Variants in MYO7B observed in about 807,000 individuals in gnomAD.
MYO7B encodes the protein unconventional myosin-VIIb.
MYO7B carries 212 observed loss-of-function variants against 259.7 expected under a neutral mutation model. The ratio of observed to expected loss-of-function variants is 0.82; its 90% CI spans 0.73 to 0.91. The LOEUF is 0.91. MYO7B is among the 40% of genes least tolerant of loss of function. MYO7B has a pLI of 0.00. For missense variants in MYO7B, 2,732 were observed against 2,813.5 expected (o/e 0.97, Z 0.66); for synonymous variants, 1,197 against 1,166.4 (o/e 1.03, Z -0.54).
chr2:127,569,432 G>A (rs544282260), intron 5 of MYO7B, among the ~76,000 whole-genome samples: 4 of 152,198 alleles, frequency 2.6e-5, no homozygotes, highest in South Asian at 2.1e-4. Flanking sequence ...TCTGCATTCC[G>A]AGCCTGCTGC....
Position 127,590,045 on chromosome 2 carries a change from G to A in MYO7B, c.1855-47G>A. The A allele has an allele frequency of 6.5e-7, 1 of 1,549,558 alleles. No individual in the cohort carries two copies. The highest frequency in any genetic ancestry group is 8.7e-7 in the Non-Finnish European group (1 of 1,145,686). ...CTGGCCTACAGGGTCAGCTGTCCCA[G>A]GACATGGCTCCTGAGACCCACTTGT... On this transcript the variant is annotated intron_variant, in intron 15 of 47. Transcript: ENST00000409816. This position sits in a 1 kb window ranked among gnomAD's most constrained non-coding sequence, Gnocchi z 4.6.
At chr2:127,596,650 G>T (rs754712004) in intron 19 of MYO7B, 94 bp downstream of exon 19, 7 of 1,029,154 alleles carry the variant, frequency 6.8e-6, no homozygotes, top group East Asian at 2.6e-5. Flanking sequence ...ACATGTTCCC[G>T]CTGGGCCCTC....
At chr2:127,626,466 C>T (rs970782914) in intron 31 of MYO7B, 1 of 156,874 alleles carries the variant, frequency 6.4e-6, no homozygotes, top group African/African-American at 2.4e-5. Flanking sequence ...AAAGGGTCCC[C>T]ACACCCCTCC....
In MYO7B at chr2:127,597,734, A is replaced by G. The variant is rs1679827533; in HGVS notation, c.2339+1178A>G. Among the ~76,000 whole-genome samples the G allele has an allele frequency of 6.6e-6, 1 of 152,048 alleles. No individual in the cohort carries two copies. Among genetic ancestry groups the G allele is most frequent in the African/African-American group, 2.4e-5 (1 of 41,362 alleles). On this transcript the variant is annotated intron_variant, in intron 19 of 47. Transcript: ENST00000409816. The surrounding 1 kb of genome is among the most constrained non-coding windows in gnomAD (Gnocchi z 4.8). ...ACTGCAACCTCTGCTTTCCGGGCTC[A>G]AGCTATCCTCCCACCTCAGCCTCCA... is the stretch of plus-strand genomic sequence containing the variant.
chr2:127,581,848 C>T, intron 10 of MYO7B, 43 bp from the exon 11 acceptor site: 1 of 1,610,604 alleles, frequency 6.2e-7, no homozygotes, highest in Non-Finnish European at 8.5e-7. Context: ...CTGGGCCAGG[C>T]CCTGCTCCAC....
intron 7 of MYO7B, among the ~76,000 whole-genome samples, chr2:127,575,252 A>G (rs988744761): frequency 2.0e-5 from 3 of 152,218 alleles, no homozygotes; most frequent in Non-Finnish European, 2.9e-5. Context: ...AGTCCAGTTA[A>G]GTTCGGCCCC....
chr2:127,585,115 C>T lies in MYO7B; in HGVS notation c.1690+202C>T, dbSNP rs116321571. ...GTTTCTGGTAATAACTCTGTTGAGA[C>T]ATAATTCACATACCATGTTATTTAC... On this transcript the variant is annotated intron_variant, in intron 14 of 47. Transcript: ENST00000409816. This position sits in a 1 kb window ranked among gnomAD's most constrained non-coding sequence, Gnocchi z 4.3. Among the ~76,000 whole-genome samples the T allele has an allele frequency of 0.012, 1,873 of 152,280 alleles. 19 individuals are homozygous for T. The highest frequency in any genetic ancestry group is 0.019 in the Non-Finnish European group (1,287 of 68,016).
In MYO7B at chr2:127,584,957, G is replaced by C; in HGVS notation, c.1690+44G>C. The C allele has an allele frequency of 6.2e-7, 1 of 1,607,964 alleles. No individual in the cohort carries two copies. On this transcript the variant is annotated intron_variant, in intron 14 of 47. Transcript: ENST00000409816. The surrounding 1 kb of genome is among the most constrained non-coding windows in gnomAD (Gnocchi z 5.8). ...TCATGTCCCTTCCAAATCTGGACCG[G>C]GTTCCAGGGAGACCGTGGAAAGCAG...
chr2:127,564,823 TA>T (rs1166249862), intron 3 of MYO7B, among the ~76,000 whole-genome samples: 1 of 152,222 alleles, frequency 6.6e-6, no homozygotes, highest in African/African-American at 2.4e-5. Flanking sequence ...AGTAAAATAA[TA>T]ACAATATCTT....
intron 24 of MYO7B, among the ~76,000 whole-genome samples, chr2:127,610,331 C>G (rs1680335356): frequency 6.6e-6 from 1 of 152,204 alleles, no homozygotes; most frequent in Non-Finnish European, 1.5e-5. Context: ...ACAGGTGTTA[C>G]TGACTGACAG....
At position 127,584,094 on chromosome 2, in the gene MYO7B, C is replaced by A; in HGVS notation, c.1344-28C>A. On this transcript the variant is annotated intron_variant, in intron 12 of 47. Coordinates refer to ENST00000409816, the MANE Select transcript of MYO7B (RefSeq NM_001393586.1). The surrounding 1 kb of genome is among the most constrained non-coding windows in gnomAD (Gnocchi z 5.8). The stretch of plus-strand genomic sequence containing the variant: ...CGGGGACTCAGCTGGCCCCACTCCA[C>A]CCCTGGGCAGTGACCTTGCCTCCAC... 6.3e-7 allele frequency: 1 copy of A among 1,597,772 alleles called. No individual in the cohort carries two copies. The highest frequency in any genetic ancestry group is 8.5e-7 in the Non-Finnish European group (1 of 1,171,598).
intron 16 of MYO7B, 26 bp from the exon 17 acceptor site, chr2:127,592,768 G>A: frequency 6.3e-7 from 1 of 1,597,984 alleles, no homozygotes; most frequent in Admixed American, 1.7e-5. Flanking sequence ...GCTTGCGCTG[G>A]GTCAGCGCCC....
intron 26 of MYO7B, 113 bp from the exon 27 acceptor site, chr2:127,620,227 T>G: frequency 5.5e-6 from 7 of 1,276,414 alleles, no homozygotes; most frequent in Admixed American, 2.3e-5. Flanking sequence ...GCTGGAGAGG[T>G]GCCCTGCATA....
Position 127,634,189 on chromosome 2 carries a change from T to C in MYO7B, c.5525T>C (p.Val1842Ala). Residue 1842 changes from valine (V) to alanine (A), a missense_variant, in exon 41 of 48, where the codon GTT becomes GCT. This residue lies in a region of MYO7B where 821 missense variants were observed against 769.3 expected (regional missense o/e 1.07). Coordinates refer to ENST00000409816, the MANE Select transcript of MYO7B (RefSeq NM_001393586.1). Reference sequence around the variant, plus strand: ...CTCTCTGTCCAGATGCTGGAGGTGGTTGCCAACACACGGGTGCGGGATGTG... The same window carrying C: ...CTCTCTGTCCAGATGCTGGAGGTGGCTGCCAACACACGGGTGCGGGATGTG... ...PNDTSEMLEV[V>A]ANTRVRDVCD... 1 of 1,604,918 alleles carries C rather than the reference T, an allele frequency of 6.2e-7. No homozygotes were observed. The highest frequency in any genetic ancestry group is 1.7e-4 in the Middle Eastern group (1 of 6,044).
chr2:127,578,245 T>G lies in MYO7B; in HGVS notation c.962T>G (p.Leu321Arg). ...TCCGAGAGCTGGGACGTCATCAAGC[T>G]GCTGGCTGCCATTCTCCACCTGGGG... is the stretch of plus-strand genomic sequence containing the variant. Reference protein sequence around the residue: ...SDSESWDVIKLLAAILHLGNV... With the variant: ...SDSESWDVIKRLAAILHLGNV... The change falls in exon 9 of 48, where the codon CTG becomes CGG. Residue 321 changes from leucine to arginine, a missense_variant. Physicochemically the swap from Leu to Arg is moderately radical, Grantham distance 102. Transcript: ENST00000409816. 6.2e-7 allele frequency: 1 copy of G among 1,613,700 alleles called. No homozygotes were observed. Among genetic ancestry groups the G allele is most frequent in the Non-Finnish European group, 8.5e-7 (1 of 1,179,842 alleles).
intron 1 of MYO7B, among the ~76,000 whole-genome samples, chr2:127,550,876 A>AGCT (rs1693419682): frequency 6.6e-6 from 1 of 151,814 alleles, no homozygotes; most frequent in African/African-American, 2.4e-5. Context: ...GTGAGGGAGG[A>AGCT]TAATATACTA....
At chr2:127,622,772 G>A (rs1168278409) in intron 28 of MYO7B, among the ~76,000 whole-genome samples, 2 of 152,226 alleles carry the variant, frequency 1.3e-5, no homozygotes, top group Non-Finnish European at 2.9e-5. Context: ...TGCAGTAGCT[G>A]TGCATGTTGA....
intron 26 of MYO7B, among the ~76,000 whole-genome samples, chr2:127,618,451 A>G (rs1231842597): frequency 6.6e-6 from 1 of 152,150 alleles, no homozygotes; most frequent in Non-Finnish European, 1.5e-5. Context: ...AACTGATCAC[A>G]GGTTCATATT....
At chr2:127,596,391 G>C in intron 18 of MYO7B, 71 bp from the exon 19 acceptor site, 1 of 1,264,094 alleles carries the variant, frequency 7.9e-7, no homozygotes, top group Middle Eastern at 1.8e-4. Context: ...TCGGGAGACA[G>C]AGCCCTGGCC....
Sources: gnomAD v4.1 joint callset for allele counts (sites outside exome capture counted in the v4.1 genomes callset) on GRCh38, gnomAD v4.1.1 for gene constraint, gnomAD v4.1.1 regional missense constraint, Gnocchi (gnomAD v3.1) non-coding constraint, MANE v1.5 for transcripts, NCBI Gene and HGNC (gene_info 2026-07-23, HGNC 2026-07-21) for gene names.